ADGRL3: variants seen among roughly 807,000 people sequenced by gnomAD.
The protein encoded by ADGRL3 is adhesion G protein-coupled receptor L3.
ADGRL3 carries 62 observed loss-of-function variants against 153.5 expected under a neutral mutation model. That is an observed-to-expected ratio of 0.40 (90% confidence interval 0.33 to 0.50). The LOEUF is 0.50. Ranked by LOEUF, ADGRL3 falls within the 20% of genes least tolerant of loss-of-function variation. The probability of loss-of-function intolerance (pLI) is 0.47; values close to 1 mark genes in which losing one functional copy is unlikely to be tolerated. For missense variants in ADGRL3, 1,641 were observed against 1,859.4 expected (o/e 0.88, Z 2.16); for synonymous variants, 710 against 672.5 (o/e 1.06, Z -0.86).
chr4:61,551,686 T>A (rs1560826651), intron 4 of ADGRL3, among the ~76,000 whole-genome samples: 2 of 152,150 alleles, frequency 1.3e-5, no homozygotes, highest in South Asian at 2.1e-4. Flanking sequence ...ATTGTATAAT[T>A]TATGCTACAC....
At chr4:61,810,973 AAAAC>A (rs777177318) in intron 8 of ADGRL3, among the ~76,000 whole-genome samples, 40 of 152,224 alleles carry the variant, frequency 2.6e-4, no homozygotes, top group Middle Eastern at 6.8e-3. Context: ...TATCACCTCA[AAAAC>A]AAACAAACAA....
At chr4:61,835,660 G>A (rs1180327650) in intron 9 of ADGRL3, among the ~76,000 whole-genome samples, 1 of 152,024 alleles carries the variant, frequency 6.6e-6, no homozygotes, top group Admixed American at 6.6e-5. Flanking sequence ...TACAAGATTT[G>A]GAATCTCCCC....
chr4:61,578,699 CG>C (rs1326905321), intron 4 of ADGRL3, among the ~76,000 whole-genome samples: 4 of 152,022 alleles, frequency 2.6e-5, no homozygotes, highest in Non-Finnish European at 5.9e-5. Flanking sequence ...ATCCCCTCTC[CG>C]ATATCCATAC....
chr4:62,024,844 C>T (rs185553320), intron 21 of ADGRL3, among the ~76,000 whole-genome samples: 66 of 147,218 alleles, frequency 4.5e-4, no homozygotes, highest in Non-Finnish European at 8.3e-4. Flanking sequence ...GCAGGAGAAT[C>T]GTGTGAACCC....
chr4:61,431,568 A>C (rs2097356010), intron 2 of ADGRL3, among the ~76,000 whole-genome samples: 1 of 152,206 alleles, frequency 6.6e-6, no homozygotes, highest in Non-Finnish European at 1.5e-5. Flanking sequence ...ATTTCATATA[A>C]AAGTGTTGGG....
chr4:61,487,572 G>A (rs2098210638), intron 2 of ADGRL3, among the ~76,000 whole-genome samples: 1 of 152,014 alleles, frequency 6.6e-6, no homozygotes, highest in Non-Finnish European at 1.5e-5. Flanking sequence ...ATTATGTTCT[G>A]AATGTTTTAA....
chr4:61,869,115 T>A (rs1160690526), intron 9 of ADGRL3, among the ~76,000 whole-genome samples: 1 of 152,088 alleles, frequency 6.6e-6, no homozygotes, highest in African/African-American at 2.4e-5. Flanking sequence ...GCTAATTTTT[T>A]TGTACTTTTT....
rs527823001 is a variant in ADGRL3 at position 61,843,106 on chromosome 4, T to A, written c.1480+29217T>A. ...AAGTCTTTCAAAATGTGGGTCTTTG[T>A]TGGAAAGGTATGATAGAAGAAAGAC... On this transcript the variant is annotated intron_variant, in intron 9 of 26. Transcript: ENST00000683033. Among the ~76,000 whole-genome samples, 10 of 152,264 alleles carry A rather than the reference T, an allele frequency of 6.6e-5. No homozygotes were observed. In the East Asian group the frequency reaches 1.9e-3, roughly 29 times the overall value.
At chr4:61,380,908 A>T (rs1361809212) in intron 1 of ADGRL3, among the ~76,000 whole-genome samples, 1 of 152,030 alleles carries the variant, frequency 6.6e-6, no homozygotes, top group Non-Finnish European at 1.5e-5. Flanking sequence ...ATAGAACAGT[A>T]TCATTTGATA....
chr4:61,829,824 C>T (rs1384637408), intron 9 of ADGRL3, among the ~76,000 whole-genome samples: 1 of 151,864 alleles, frequency 6.6e-6, no homozygotes, highest in Non-Finnish European at 1.5e-5. Context: ...AGAGAGGCAC[C>T]AGGAGGAATA....
intron 1 of ADGRL3, among the ~76,000 whole-genome samples, chr4:61,272,946 G>C (rs2093274365): frequency 6.6e-6 from 1 of 152,104 alleles, no homozygotes. Flanking sequence ...TAGACTCAGA[G>C]TGGCTGGGTT....
At chr4:61,361,462 G>A (rs1398537842) in intron 1 of ADGRL3, among the ~76,000 whole-genome samples, 2 of 152,138 alleles carry the variant, frequency 1.3e-5, no homozygotes, top group African/African-American at 2.4e-5. Context: ...AGAGTAAAAT[G>A]AAGTACTTTA....
chr4:61,464,319 G>A (rs2097855740), intron 2 of ADGRL3, among the ~76,000 whole-genome samples: 3 of 152,032 alleles, frequency 2.0e-5, no homozygotes, highest in South Asian at 2.1e-4. Flanking sequence ...AGAATAAAGG[G>A]GTATATAGGC....
intron 4 of ADGRL3, among the ~76,000 whole-genome samples, chr4:61,572,516 G>A (rs910992278): frequency 3.3e-5 from 5 of 152,102 alleles, no homozygotes; most frequent in East Asian, 1.9e-4. Context: ...TATTAAATGC[G>A]TATAAATTTA....
chr4:61,238,051 TTAA>T (rs1342988764), intron 1 of ADGRL3, among the ~76,000 whole-genome samples: 1 of 152,176 alleles, frequency 6.6e-6, no homozygotes. Flanking sequence ...TTCAAACTGA[TTAA>T]TGTCTTCATT....
chr4:61,798,264 A>T (rs1346594054), intron 8 of ADGRL3, among the ~76,000 whole-genome samples: 3 of 152,212 alleles, frequency 2.0e-5, no homozygotes, highest in Admixed American at 2.0e-4. Context: ...ATTAAATCCC[A>T]TTGGAAATTA....
chr4:61,750,588 G>A lies in ADGRL3; in HGVS notation c.1399+17034G>A, dbSNP rs898798675. ...GGGCGGATCACGAGGTCAGGAGATC[G>A]AGACCATCCCGGCTAAAACGGTGAA... is the stretch of plus-strand genomic sequence containing the variant. On this transcript the variant is annotated intron_variant, in intron 8 of 26. Transcript: ENST00000683033. Among the ~76,000 whole-genome samples, 9 of 152,040 alleles carry A rather than the reference G, an allele frequency of 5.9e-5. No homozygotes were observed. In the East Asian group the frequency reaches 1.2e-3, roughly 20 times the overall value.
intron 1 of ADGRL3, among the ~76,000 whole-genome samples, chr4:61,302,284 C>A (rs1481897448): frequency 1.3e-5 from 2 of 151,774 alleles, no homozygotes; most frequent in East Asian, 3.9e-4. Context: ...AAGACGAGAC[C>A]AGTGTGTTAA....
chr4:61,961,138 T>C (rs989811055), intron 17 of ADGRL3, among the ~76,000 whole-genome samples: 2 of 152,170 alleles, frequency 1.3e-5, no homozygotes, highest in Non-Finnish European at 2.9e-5. Flanking sequence ...TAACCACTTA[T>C]AATTGTCTAG....
Sources: allele counts gnomAD v4.1 joint callset (sites outside exome capture counted in the v4.1 genomes callset), GRCh38; gene constraint gnomAD v4.1.1; transcripts MANE v1.5; gene names NCBI Gene and HGNC (gene_info 2026-07-23, HGNC 2026-07-21).